MGAT5: variants seen among roughly 807,000 people sequenced by gnomAD.
The protein encoded by MGAT5 is alpha-1,6-mannosylglycoprotein 6-beta-N-acetylglucosaminyltransferase, also known as alpha-1,6-mannosylglycoprotein 6-beta-N-acetylglucosaminyltransferase A.
Under a neutral mutation model 94.3 loss-of-function variants are expected in MGAT5, and 30 were observed. That is an observed-to-expected ratio of 0.32 (90% CI 0.24 to 0.43). MGAT5 has a LOEUF of 0.43. MGAT5 is among the 20% of genes least tolerant of loss of function. The pLI is 1.00. For missense variants in MGAT5, 691 were observed against 905.5 expected, an observed-to-expected ratio of 0.76 and a Z score of 3.04; for synonymous variants, 310 against 322.9, an observed-to-expected ratio of 0.96 and a Z score of 0.43.
chr2:134,164,417 GC>G (rs1687871766), intron 1 of MGAT5, among the ~76,000 whole-genome samples: 1 of 152,122 alleles, frequency 6.6e-6, no homozygotes, highest in East Asian at 1.9e-4. Flanking sequence ...ACCTCATCTT[GC>G]CAAGGAAGAA....
chr2:134,172,639 A>G (rs958920284), intron 1 of MGAT5, among the ~76,000 whole-genome samples: 26 of 150,830 alleles, frequency 1.7e-4, no homozygotes, highest in South Asian at 4.2e-4. Flanking sequence ...TCCCGCCTCG[A>G]CCTCCCAAAG....
intron 10 of MGAT5, among the ~76,000 whole-genome samples, chr2:134,366,559 T>C (rs867228542): frequency 2.6e-5 from 4 of 152,166 alleles, no homozygotes; most frequent in African/African-American, 9.7e-5. Context: ...CTTAACCACA[T>C]GTAAGGTGGT....
intron 10 of MGAT5, among the ~76,000 whole-genome samples, chr2:134,367,339 C>G (rs1680496093): frequency 6.6e-6 from 1 of 152,150 alleles, no homozygotes; most frequent in Admixed American, 6.5e-5. Flanking sequence ...TAAGCCTGTC[C>G]AAAGATACTC....
At chr2:134,132,945 A>T (rs2104920580) in intron 1 of MGAT5, among the ~76,000 whole-genome samples, 1 of 152,258 alleles carries the variant, frequency 6.6e-6, no homozygotes, top group African/African-American at 2.4e-5. Context: ...TTGTTTCATT[A>T]TAAGTAGTGT....
chr2:134,366,717 C>A (rs1178300719), intron 10 of MGAT5, among the ~76,000 whole-genome samples: 1 of 152,214 alleles, frequency 6.6e-6, no homozygotes, highest in East Asian at 1.9e-4. Flanking sequence ...GAGACTCTTT[C>A]TCACAAGCAT....
intron 1 of MGAT5, among the ~76,000 whole-genome samples, chr2:134,244,272 G>C (rs1682117898): frequency 6.6e-6 from 1 of 151,638 alleles, no homozygotes; most frequent in African/African-American, 2.4e-5. Flanking sequence ...GGTTTCCTGG[G>C]CCGGATGCCA....
intron 1 of MGAT5, among the ~76,000 whole-genome samples, chr2:134,227,043 T>A (rs910139221): frequency 6.6e-6 from 1 of 151,684 alleles, no homozygotes; most frequent in Non-Finnish European, 1.5e-5. Context: ...TGTTGGTAAC[T>A]AATAAACTTC....
At chr2:134,178,087 G>A (rs967543283) in intron 1 of MGAT5, among the ~76,000 whole-genome samples, 2 of 151,418 alleles carry the variant, frequency 1.3e-5, no homozygotes, top group African/African-American at 4.9e-5. Context: ...GTTTTGTTTT[G>A]TTTTTTTCTC....
intron 1 of MGAT5, among the ~76,000 whole-genome samples, chr2:134,237,902 T>C (rs1403685717): frequency 7.3e-5 from 11 of 151,588 alleles, no homozygotes; most frequent in African/African-American, 1.5e-4. Context: ...AGACGTGTGC[T>C]ACCACGCTCA....
chr2:134,446,126 G>T (rs1437734304), intron 15 of MGAT5, among the ~76,000 whole-genome samples: 1 of 152,060 alleles, frequency 6.6e-6, no homozygotes, highest in Non-Finnish European at 1.5e-5. Flanking sequence ...CCTGTGGCCT[G>T]GTGAAGCGTC....
At chr2:134,141,085 T>G (rs1686635035) in intron 1 of MGAT5, among the ~76,000 whole-genome samples, 1 of 151,950 alleles carries the variant, frequency 6.6e-6, no homozygotes, top group African/African-American at 2.4e-5. Flanking sequence ...AGGGAATGGG[T>G]TAGTTATTGA....
rs573081004 is a variant in MGAT5, at chr2:134,202,385, C to G, written c.-142-51877C>G. On this transcript the variant is annotated intron_variant, in intron 1 of 16. Transcript: ENST00000409645. ...CTCCTTCTGCCATTTGAGTACACAG[C>G]TAGAAATGGCATCTATGAAGCAGAC... Among the ~76,000 whole-genome samples the G allele has an allele frequency of 2.6e-5, 4 of 152,370 alleles. No homozygotes were observed. In the South Asian group the frequency reaches 8.3e-4, roughly 32 times the overall value.
intron 1 of MGAT5, among the ~76,000 whole-genome samples, chr2:134,223,646 G>A (rs960823369): frequency 8.6e-5 from 13 of 150,694 alleles, no homozygotes; most frequent in African/African-American, 2.0e-4. Context: ...TAAGTGTTAC[G>A]TTTTACCCTC....
At chr2:134,263,915 T>TA (rs201242939) in intron 1 of MGAT5, among the ~76,000 whole-genome samples, 100 of 146,472 alleles carry the variant, frequency 6.8e-4, no homozygotes, top group African/African-American at 1.6e-3. Context: ...TTTAGTTCTT[T>TA]AAAAAAAAAA....
At chr2:134,446,952 G>A (rs117456428) in intron 15 of MGAT5, among the ~76,000 whole-genome samples, 3,607 of 152,314 alleles carry the variant, frequency 0.024, 82 homozygotes, top group Middle Eastern at 0.14. Context: ...GCAGATGTGC[G>A]GGGAATCGCA....
chr2:134,246,930 G>C (rs894648858), intron 1 of MGAT5, among the ~76,000 whole-genome samples: 1 of 152,194 alleles, frequency 6.6e-6, no homozygotes, highest in Non-Finnish European at 1.5e-5. Context: ...CATATTTCCT[G>C]TTAAAGTTGA....
At chr2:134,272,288 T>A (rs1385361742) in intron 2 of MGAT5, among the ~76,000 whole-genome samples, 1 of 152,218 alleles carries the variant, frequency 6.6e-6, no homozygotes, top group Non-Finnish European at 1.5e-5. Flanking sequence ...TCTAAGCCAA[T>A]GGCTCTGAGC....
intron 1 of MGAT5, among the ~76,000 whole-genome samples, chr2:134,171,608 C>T (rs962882293): frequency 3.9e-5 from 6 of 152,034 alleles, no homozygotes; most frequent in African/African-American, 9.7e-5. Flanking sequence ...TTTTGGGAGA[C>T]GATCTTAAAG....
At chr2:134,407,534 C>T (rs1241662895) in intron 11 of MGAT5, among the ~76,000 whole-genome samples, 1 of 152,170 alleles carries the variant, frequency 6.6e-6, no homozygotes, top group Non-Finnish European at 1.5e-5. Flanking sequence ...CACAGAGACA[C>T]TTGATTGCTG....
Sources: allele counts gnomAD v4.1 joint callset (sites outside exome capture counted in the v4.1 genomes callset), GRCh38; gene constraint gnomAD v4.1.1; transcripts MANE v1.5; gene names NCBI Gene and HGNC (gene_info 2026-07-23, HGNC 2026-07-21).